The following MEMO1 variants were observed in gnomAD, a reference collection of about 807,000 sequenced individuals.
MEMO1 encodes protein MEMO1.
Under a neutral mutation model 45.2 loss-of-function variants are expected in MEMO1, and 6 were observed. The observed-to-expected ratio is 0.13, with a 90% CI of 0.07 to 0.26. The LOEUF (loss-of-function observed/expected upper bound fraction) is 0.26. Ranked by LOEUF, MEMO1 falls within the 10% of genes least tolerant of loss-of-function variation. The pLI is 1.00. For missense variants in MEMO1, 184 were observed against 370.5 expected (o/e 0.50, Z 4.13); for synonymous variants, 78 against 124.3 (o/e 0.63, Z 2.48).
chr2:31,882,670 C>T (rs1015534418), intron 8 of MEMO1, among the ~76,000 whole-genome samples: 9 of 152,184 alleles, frequency 5.9e-5, no homozygotes, highest in South Asian at 2.1e-4. Context: ...TTCAGCATAG[C>T]AGACAAGATT....
At chr2:31,893,391 C>T in intron 6 of MEMO1, 1 of 1,071,806 alleles carries the variant, frequency 9.3e-7, no homozygotes, top group South Asian at 2.5e-5. Flanking sequence ...CTAACTGTTA[C>T]CAGTTTGCTA....
intron 2 of MEMO1, among the ~76,000 whole-genome samples, chr2:31,961,990 G>A (rs557104950): frequency 6.6e-6 from 1 of 151,772 alleles, no homozygotes; most frequent in Admixed American, 6.6e-5. Flanking sequence ...CCAATAACTA[G>A]ATCTGGCCCT....
At chr2:31,893,337 A>G (rs1677227798) in intron 6 of MEMO1, 2 of 1,165,020 alleles carry the variant, frequency 1.7e-6, no homozygotes, top group South Asian at 1.7e-5. Flanking sequence ...GAGTAAGAGA[A>G]AAAAAGGAAG....
chr2:31,980,982 C>A (rs765306975), intron 2 of MEMO1, among the ~76,000 whole-genome samples: 7 of 152,190 alleles, frequency 4.6e-5, no homozygotes, highest in Non-Finnish European at 8.8e-5. Context: ...ACTAGATAAA[C>A]TAATCAGTGT....
chr2:31,877,328 T>C (rs1416319694), intron 8 of MEMO1, among the ~76,000 whole-genome samples: 1 of 152,158 alleles, frequency 6.6e-6, no homozygotes, highest in Non-Finnish European at 1.5e-5. Context: ...AGGAGGCTAA[T>C]GGAAAATGAT....
chr2:31,935,437 T>C (rs970934326), intron 3 of MEMO1, among the ~76,000 whole-genome samples: 3 of 152,144 alleles, frequency 2.0e-5, no homozygotes, highest in Non-Finnish European at 4.4e-5. Context: ...TTTCAGTCCA[T>C]TCAGGAGCTG....
chr2:31,910,980 A>T (rs1313986777), intron 6 of MEMO1, among the ~76,000 whole-genome samples: 2 of 152,184 alleles, frequency 1.3e-5, no homozygotes, highest in Admixed American at 6.5e-5. Flanking sequence ...GAGAGGAAAA[A>T]ATTATAGTCA....
intron 2 of MEMO1, among the ~76,000 whole-genome samples, chr2:31,955,744 G>C (rs1317256861): frequency 6.6e-6 from 1 of 151,984 alleles, no homozygotes; most frequent in Non-Finnish European, 1.5e-5. Context: ...CAGTAGCTGA[G>C]ATTATAGGCA....
chr2:32,006,964 C>CA (rs67557055), intron 2 of MEMO1, among the ~76,000 whole-genome samples: 5,855 of 75,690 alleles, frequency 0.077, 315 homozygotes, highest in Non-Finnish European at 0.1. Flanking sequence ...GATTCCATCT[C>CA]AAAAAAAAAA....
At chr2:31,948,093 G>A (rs1394361245) in intron 2 of MEMO1, among the ~76,000 whole-genome samples, 2 of 152,202 alleles carry the variant, frequency 1.3e-5, no homozygotes, top group African/African-American at 4.8e-5. Context: ...TGATAGCAAT[G>A]TTGCTGGCCT....
chr2:31,974,837 G>C (rs1053737148), intron 2 of MEMO1, among the ~76,000 whole-genome samples: 2 of 151,990 alleles, frequency 1.3e-5, no homozygotes, highest in Non-Finnish European at 2.9e-5. Context: ...GTACTCTGCT[G>C]ATTATTTTCT....
At chr2:31,997,896 C>T (rs563126926) in intron 2 of MEMO1, among the ~76,000 whole-genome samples, 91 of 152,206 alleles carry the variant, frequency 6.0e-4, no homozygotes, top group Non-Finnish European at 1.1e-3. Context: ...AGGAAGCTCT[C>T]CCAGTAACAC....
At chr2:31,918,086 T>C in intron 5 of MEMO1, 49 bp from the exon 6 acceptor site, 1 of 1,318,946 alleles carries the variant, frequency 7.6e-7, no homozygotes, top group South Asian at 1.5e-5. Flanking sequence ...ATGTATATCC[T>C]TATCCTGTGA....
At chr2:31,960,521 C>T (rs956117842) in intron 2 of MEMO1, among the ~76,000 whole-genome samples, 1 of 152,138 alleles carries the variant, frequency 6.6e-6, no homozygotes. Context: ...TCAATAATTA[C>T]AATAAATTAA....
At chr2:31,871,930 C>T (rs188772050) in intron 8 of MEMO1, among the ~76,000 whole-genome samples, 1 of 151,698 alleles carries the variant, frequency 6.6e-6, no homozygotes, top group African/African-American at 2.4e-5. Flanking sequence ...AGGAGAATCG[C>T]TTGAACCTGG....
intron 2 of MEMO1, chr2:31,963,225 G>A: frequency 6.5e-7 from 1 of 1,547,230 alleles, no homozygotes; most frequent in Non-Finnish European, 8.7e-7. Context: ...GCACTTGTCA[G>A]CCCTCCATAA....
intron 2 of MEMO1, among the ~76,000 whole-genome samples, chr2:32,005,039 T>C (rs557409930): frequency 2.2e-4 from 34 of 151,754 alleles, no homozygotes; most frequent in Admixed American, 9.9e-4. Context: ...TATAAAAGTG[T>C]TCACAGCAGC....
chr2:32,010,685 CCCCCGCGGGGCTCCCCGCA>C, intron 1 of MEMO1: 1 of 149,396 alleles, frequency 6.7e-6, no homozygotes, highest in African/African-American at 2.5e-5. Flanking sequence ...CGCCCCCCAC[CCCCCGCGGGGCTCCCCGCA>C]CCCACCCCCA....
At chr2:31,973,145 G>C (rs1051297049) in intron 2 of MEMO1, among the ~76,000 whole-genome samples, 1 of 152,068 alleles carries the variant, frequency 6.6e-6, no homozygotes, top group Non-Finnish European at 1.5e-5. Context: ...TCCACTCTTA[G>C]GTATATATCT....
Sources: gnomAD v4.1 joint callset for allele counts (sites outside exome capture counted in the v4.1 genomes callset) on GRCh38, gnomAD v4.1.1 for gene constraint, MANE v1.5 for transcripts, NCBI Gene and HGNC (gene_info 2026-07-23, HGNC 2026-07-21) for gene names.